Variants in SLCO1A2 observed in about 807,000 individuals in gnomAD.
SLCO1A2 encodes the protein solute carrier organic anion transporter family member 1A2, also known as OATP-1.
A neutral mutation model predicts 69.0 loss-of-function variants in SLCO1A2; 67 were observed. The observed-to-expected ratio is 0.97, with a 90% confidence interval of 0.80 to 1.19. The LOEUF (loss-of-function observed/expected upper bound fraction) is 1.19. SLCO1A2 is among the 50% of genes most tolerant of loss of function. The pLI, the probability that SLCO1A2 is intolerant of heterozygous loss-of-function variation, is 0.00. For synonymous variants in SLCO1A2, 260 were observed against 265.9 expected, an observed-to-expected ratio of 0.98 and a Z score of 0.22; for missense variants, 787 against 793.7, an observed-to-expected ratio of 0.99 and a Z score of 0.10.
At chr12:21,382,517 G>T (rs898173554) in intron 1 of SLCO1A2, among the ~76,000 whole-genome samples, 12 of 152,268 alleles carry the variant, frequency 7.9e-5, no homozygotes, top group Admixed American at 5.9e-4. Flanking sequence ...GAAAGAAAAT[G>T]GCTGATGCGG....
chr12:21,413,241 T>TTTTTTCTTTTTTTTTTTTTTTTC (rs552622260), intron 1 of SLCO1A2, among the ~76,000 whole-genome samples: 1 of 127,662 alleles, frequency 7.8e-6, no homozygotes, highest in African/African-American at 2.9e-5. Flanking sequence ...CTTTTTCTTT[T>TTTTTTCTTTTTTTTTTTTTTTTC]TTTTTTTTTT....
intron 1 of SLCO1A2, chr12:21,376,433 T>G (rs1489255047): frequency 4.8e-6 from 1 of 207,746 alleles, no homozygotes; most frequent in Non-Finnish European, 1.0e-5. Flanking sequence ...TAAATCACTC[T>G]TTTGAAATGT....
rs181248232 is a variant in SLCO1A2, at chr12:21,266,677, G to T, written c.*2871C>A. The T allele has an allele frequency of 9.2e-5, 14 of 152,024 alleles. No individual in the cohort carries two copies. Among genetic ancestry groups the T allele is most frequent in the Admixed American group, 7.9e-4 (12 of 15,244 alleles). 9.4% of individuals were successfully genotyped at this position (152,024 alleles called of 1,614,324 possible). On this transcript the variant is annotated 3_prime_UTR_variant, in exon 15 of 15. Coordinates refer to ENST00000683939, the MANE Select transcript of SLCO1A2 (RefSeq NM_001386879.1). ...CAACCCCAGCCCTTGAACCTTAAGG[G>T]TGTGTATATTCTGAGGTCTTCGAGC...
chr12:21,284,420 C>A (rs140903732), intron 12 of SLCO1A2, among the ~76,000 whole-genome samples: 14,564 of 151,348 alleles, frequency 0.096, 935 homozygotes, highest in Non-Finnish European at 0.15. Flanking sequence ...GACTTTAACA[C>A]CCCACTGTCA....
At chr12:21,287,225 G>A (rs1946009757) in intron 12 of SLCO1A2, among the ~76,000 whole-genome samples, 1 of 148,388 alleles carries the variant, frequency 6.7e-6, no homozygotes, top group Non-Finnish European at 1.5e-5. Flanking sequence ...CTTCTCAAAA[G>A]AAGACATTTA....
At chr12:21,347,669 A>AAAGGAAGGACGGAAGGAAGG (rs1953310752) in intron 2 of SLCO1A2, among the ~76,000 whole-genome samples, 2 of 113,422 alleles carry the variant, frequency 1.8e-5, no homozygotes. Context: ...AGAAAGAAAG[A>AAAGGAAGGACGGAAGGAAGG]AAGGAAGGAA....
At chr12:21,300,292 C>T in intron 8 of SLCO1A2, 56 bp downstream of exon 8, 2 of 1,254,002 alleles carry the variant, frequency 1.6e-6, no homozygotes, top group South Asian at 1.4e-5. Context: ...AAAATACAGA[C>T]ATATCTATAT....
chr12:21,321,057 G>T (rs1951548044), intron 2 of SLCO1A2, among the ~76,000 whole-genome samples: 1 of 152,034 alleles, frequency 6.6e-6, no homozygotes, highest in African/African-American at 2.4e-5. Flanking sequence ...CTCCATAAAA[G>T]GTCATAAACA....
At chr12:21,353,078 C>T (rs534776557) in intron 2 of SLCO1A2, among the ~76,000 whole-genome samples, 9 of 152,152 alleles carry the variant, frequency 5.9e-5, no homozygotes, top group Non-Finnish European at 8.8e-5. Context: ...CATTCAAATT[C>T]GAATCAGAAT....
chr12:21,283,828 CAA>C (rs1945240928), intron 12 of SLCO1A2, among the ~76,000 whole-genome samples: 1 of 152,108 alleles, frequency 6.6e-6, no homozygotes, highest in South Asian at 2.1e-4. Flanking sequence ...CATCAATGAT[CAA>C]GAGAGGAATG....
chr12:21,380,758 A>G (rs1485907321), intron 1 of SLCO1A2, among the ~76,000 whole-genome samples: 2 of 152,158 alleles, frequency 1.3e-5, no homozygotes, highest in African/African-American at 4.8e-5. Flanking sequence ...GTCTAGGTAC[A>G]TGAAATCATA....
At chr12:21,356,353 C>G (rs2137029418) in intron 2 of SLCO1A2, among the ~76,000 whole-genome samples, 1 of 152,064 alleles carries the variant, frequency 6.6e-6, no homozygotes, top group Non-Finnish European at 1.5e-5. Flanking sequence ...AATTTACCTC[C>G]TAAAAGAAAG....
In SLCO1A2 at chr12:21,274,512, C is replaced by T. The variant is rs1444849608; in HGVS notation, c.1750G>A (p.Gly584Ser). Residue 584 changes from glycine (G) to serine (S), a missense_variant, in exon 14 of 15, where the codon GGT becomes AGT. Physicochemically the swap from Gly to Ser is moderately conservative, Grantham distance 56. Transcript: ENST00000683939. ...TATATCCTGCATGCCCCTGACTCAC[C>T]ACATTTCAAAGTTCCCCAGTGTAAA... The part of the protein sequence containing the change: ...TCLHWGTLKC[G>S]ESGACRIYDS... 6.2e-7 allele frequency: 1 copy of T among 1,613,644 alleles called. No homozygotes were observed. Among genetic ancestry groups the T allele is most frequent in the Non-Finnish European group, 8.5e-7 (1 of 1,179,702 alleles).
intron 4 of SLCO1A2, among the ~76,000 whole-genome samples, chr12:21,308,675 T>TCCATTAGA (rs1949731369): frequency 6.6e-6 from 1 of 152,220 alleles, no homozygotes; most frequent in Non-Finnish European, 1.5e-5. Flanking sequence ...ATTTGGCTGG[T>TCCATTAGA]AGCTAAGCTT....
At chr12:21,274,182 C>A (rs1347460627) in intron 14 of SLCO1A2, 1 of 278,350 alleles carries the variant, frequency 3.6e-6, no homozygotes, top group Non-Finnish European at 7.0e-6. Flanking sequence ...AGTGTACAAC[C>A]ATTACCTTCA....
chr12:21,400,771 G>T (rs1179767843), intron 1 of SLCO1A2, among the ~76,000 whole-genome samples: 9 of 148,644 alleles, frequency 6.1e-5, no homozygotes, highest in Admixed American at 5.5e-4. Context: ...GTAAACTATC[G>T]CAAGAACAAA....
intron 6 of SLCO1A2, among the ~76,000 whole-genome samples, chr12:21,302,292 G>C (rs1372892017): frequency 1.3e-5 from 2 of 151,494 alleles, no homozygotes; most frequent in Non-Finnish European, 2.9e-5. Flanking sequence ...GTCTTTTTTT[G>C]GTCTTCATCT....
rs11045916 is a variant in SLCO1A2, at chr12:21,266,506, A to G, written c.*3042T>C. On this transcript the variant is annotated 3_prime_UTR_variant, in exon 15 of 15. Transcript: ENST00000683939. ...TTTTAGGAGGAGTAGTATTTTTTCA[A>G]TGTAGATAAATAATATTTATTTCAT... 1.3e-5 allele frequency: 2 copies of G among 151,978 alleles called. No homozygotes were observed. Among genetic ancestry groups the G allele is most frequent in the East Asian group, 3.9e-4 (2 of 5,182 alleles). The allele number at this position is 151,978 out of a possible 1,614,324, so 9.4% of individuals were successfully genotyped here. A position where few individuals can be genotyped will look rare whatever the true frequency, so the allele number is the denominator to read the frequency against.
chr12:21,363,442 A>T (rs1939099750), intron 2 of SLCO1A2, among the ~76,000 whole-genome samples: 1 of 152,232 alleles, frequency 6.6e-6, no homozygotes, highest in Non-Finnish European at 1.5e-5. Flanking sequence ...AAGACAAAGC[A>T]GGAGAGATCT....
Sources: gnomAD v4.1 joint callset for allele counts (sites outside exome capture counted in the v4.1 genomes callset) on GRCh38, gnomAD v4.1.1 for gene constraint, MANE v1.5 for transcripts, NCBI Gene and HGNC (gene_info 2026-07-23, HGNC 2026-07-21) for gene names.